CDH13: variants seen among roughly 807,000 people sequenced by gnomAD.
CDH13 encodes the protein cadherin-13.
A neutral mutation model predicts 63.8 loss-of-function variants in CDH13; 24 were observed. The observed-to-expected ratio is 0.38, with a 90% CI of 0.27 to 0.53. The LOEUF is 0.53. Ranked by LOEUF, CDH13 falls within the 20% of genes least tolerant of loss-of-function variation. The probability of loss-of-function intolerance (pLI) is 0.85; values close to 1 mark genes in which losing one functional copy is unlikely to be tolerated. For synonymous variants in CDH13, 503 were observed against 355.3 expected, an observed-to-expected ratio of 1.42 and a Z score of -4.67; for missense variants, 1,049 against 903.1, an observed-to-expected ratio of 1.16 and a Z score of -2.07.
intron 6 of CDH13, among the ~76,000 whole-genome samples, chr16:83,436,345 TA>T (rs879565384): frequency 3.3e-5 from 5 of 152,094 alleles, no homozygotes; most frequent in Non-Finnish European, 7.3e-5. Context: ...TTGTCTTTTT[TA>T]AAAAAACGTA....
chr16:82,898,079 G>C (rs779210722), intron 2 of CDH13, among the ~76,000 whole-genome samples: 10 of 152,060 alleles, frequency 6.6e-5, no homozygotes, highest in Non-Finnish European at 1.5e-5. Flanking sequence ...AGTGAATAAA[G>C]AAAAAATTAT....
At chr16:83,027,366 G>C (rs993775184) in intron 2 of CDH13, among the ~76,000 whole-genome samples, 2 of 152,210 alleles carry the variant, frequency 1.3e-5, no homozygotes, top group East Asian at 3.8e-4. Flanking sequence ...GGAACACAAA[G>C]AGAATGCTTG....
At chr16:83,432,924 G>A (rs764632453) in intron 6 of CDH13, among the ~76,000 whole-genome samples, 23 of 152,174 alleles carry the variant, frequency 1.5e-4, no homozygotes, top group Non-Finnish European at 2.8e-4. Flanking sequence ...TCTTCTTCAT[G>A]GTTAGGGTTG....
At chr16:83,052,853 C>T (rs1459836673) in intron 3 of CDH13, among the ~76,000 whole-genome samples, 3 of 148,226 alleles carry the variant, frequency 2.0e-5, no homozygotes, top group East Asian at 4.0e-4. Context: ...AGATCATCAG[C>T]AATGATTAAT....
intron 8 of CDH13, among the ~76,000 whole-genome samples, chr16:83,669,408 T>C (rs765278627): frequency 4.6e-5 from 7 of 152,188 alleles, no homozygotes; most frequent in Non-Finnish European, 7.3e-5. Flanking sequence ...AATTCTATGA[T>C]TTTTGTGAGA....
intron 4 of CDH13, among the ~76,000 whole-genome samples, chr16:83,195,763 G>A (rs2038861594): frequency 6.6e-6 from 1 of 152,166 alleles, no homozygotes; most frequent in Non-Finnish European, 1.5e-5. Flanking sequence ...TACAGCAGGG[G>A]AGAGATACAT....
At chr16:83,659,830 A>C (rs568076021) in intron 8 of CDH13, among the ~76,000 whole-genome samples, 12 of 129,718 alleles carry the variant, frequency 9.3e-5, no homozygotes, top group African/African-American at 3.3e-4. Context: ...TCTGTCGCCC[A>C]GGCTGGAGTG....
intron 4 of CDH13, among the ~76,000 whole-genome samples, chr16:83,177,717 G>T (rs1177484808): frequency 6.6e-6 from 1 of 152,172 alleles, no homozygotes; most frequent in Non-Finnish European, 1.5e-5. Context: ...CTCTTTTAGG[G>T]TTATTTAAAT....
At chr16:82,668,448 G>A (rs570349638) in intron 1 of CDH13, among the ~76,000 whole-genome samples, 1 of 152,254 alleles carries the variant, frequency 6.6e-6, no homozygotes, top group South Asian at 2.1e-4. Flanking sequence ...AGCCTGAACT[G>A]GTAAAGGGGG....
In CDH13 at chr16:83,508,995, G is replaced by A. The variant is rs568831764; in HGVS notation, c.960+22340G>A. On this transcript the variant is annotated intron_variant, in intron 7 of 13. Coordinates refer to ENST00000567109, the MANE Select transcript of CDH13 (RefSeq NM_001257.5). Reference sequence around the variant, plus strand: ...CATGCCATCACAGCTCTGTGTGCATGAGTGCCTGTGGGGTCTGCATAGCAT... The same window carrying A: ...CATGCCATCACAGCTCTGTGTGCATAAGTGCCTGTGGGGTCTGCATAGCAT... Among the ~76,000 whole-genome samples the A allele has an allele frequency of 3.9e-5, 6 of 152,286 alleles. No individual in the cohort carries two copies. The South Asian group carries it at 1.2e-3, about 32-fold the overall frequency.
At chr16:83,583,815 G>A (rs1236329471) in intron 7 of CDH13, among the ~76,000 whole-genome samples, 1 of 152,124 alleles carries the variant, frequency 6.6e-6, no homozygotes, top group Non-Finnish European at 1.5e-5. Context: ...TACTCCAGAA[G>A]CTGAGGCAGA....
intron 5 of CDH13, among the ~76,000 whole-genome samples, chr16:83,229,699 A>G (rs2039948878): frequency 6.6e-6 from 1 of 152,154 alleles, no homozygotes; most frequent in South Asian, 2.1e-4. Flanking sequence ...AAAGGTGCAG[A>G]TGTTTGCATA....
At chr16:82,923,393 A>G (rs1345143162) in intron 2 of CDH13, among the ~76,000 whole-genome samples, 1 of 152,212 alleles carries the variant, frequency 6.6e-6, no homozygotes, top group African/African-American at 2.4e-5. Flanking sequence ...TACTGCTGTT[A>G]TTGTTCTTAA....
At chr16:83,698,984 C>T (rs1905803181) in intron 10 of CDH13, among the ~76,000 whole-genome samples, 2 of 152,220 alleles carry the variant, frequency 1.3e-5, no homozygotes, top group Admixed American at 1.3e-4. Context: ...TACACCCCTA[C>T]CAGCATTATG....
chr16:82,803,007 G>A (rs963378886), intron 1 of CDH13, among the ~76,000 whole-genome samples: 17 of 152,186 alleles, frequency 1.1e-4, no homozygotes, highest in African/African-American at 3.4e-4. Context: ...AACCCTGTTC[G>A]GTTTTCTTCC....
chr16:82,908,656 T>C (rs1452629109), intron 2 of CDH13, among the ~76,000 whole-genome samples: 2 of 152,246 alleles, frequency 1.3e-5, no homozygotes, highest in African/African-American at 4.8e-5. Flanking sequence ...ATGAATCACT[T>C]TCCAGACCTT....
intron 6 of CDH13, among the ~76,000 whole-genome samples, chr16:83,389,357 C>T (rs1366941351): frequency 2.6e-5 from 4 of 152,082 alleles, no homozygotes; most frequent in South Asian, 4.1e-4. Context: ...CGTACCATAA[C>T]GTTATTTTCA....
chr16:83,472,485 G>C (rs1005197868), intron 6 of CDH13, among the ~76,000 whole-genome samples: 1 of 152,186 alleles, frequency 6.6e-6, no homozygotes, highest in Non-Finnish European at 1.5e-5. Flanking sequence ...CCGGGAGCTG[G>C]CTTGTAGCAG....
At chr16:83,704,130 G>C (rs1432346013) in intron 10 of CDH13, among the ~76,000 whole-genome samples, 1 of 152,182 alleles carries the variant, frequency 6.6e-6, no homozygotes, top group East Asian at 1.9e-4. Context: ...AGTTTGAAAA[G>C]TGGTTTCCCT....
Sources: allele counts gnomAD v4.1 joint callset (sites outside exome capture counted in the v4.1 genomes callset), GRCh38; gene constraint gnomAD v4.1.1; transcripts MANE v1.5; gene names NCBI Gene and HGNC (gene_info 2026-07-23, HGNC 2026-07-21).